Variants in AFG3L2 observed in about 807,000 individuals in gnomAD.
AFG3L2 encodes the protein mitochondrial inner membrane m-AAA protease component AFG3L2.
AFG3L2 carries 54 observed loss-of-function variants against 94.5 expected under a neutral mutation model. That is an observed-to-expected ratio of 0.57 (90% CI 0.46 to 0.72). The LOEUF is 0.72. Ranked by LOEUF, AFG3L2 falls within the 30% of genes least tolerant of loss-of-function variation. The pLI, the probability that AFG3L2 is intolerant of heterozygous loss-of-function variation, is 0.00. For synonymous variants in AFG3L2, 377 were observed against 365.5 expected (o/e 1.03, Z -0.36); for missense variants, 754 against 994.9 (o/e 0.76, Z 3.26).
intron 6 of AFG3L2, among the ~76,000 whole-genome samples, chr18:12,361,602 G>A (rs761957205): frequency 1.9e-4 from 29 of 152,162 alleles, no homozygotes; most frequent in South Asian, 2.1e-4. Context: ...AGCCAAGATC[G>A]CGCCACTGCA....
chr18:12,358,667 T>C lies in AFG3L2; in HGVS notation c.1026+3A>G, dbSNP rs1170845745. On this transcript the variant is annotated splice_donor_region_variant and intron_variant, in intron 8 of 16. Transcript: ENST00000269143. ...AAAAAGTTAATCTTAAATTTCATTTTACCTTTGGGATTTTTGCTCCTAGGT... is the reference window on the plus strand; with the variant it reads ...AAAAAGTTAATCTTAAATTTCATTTCACCTTTGGGATTTTTGCTCCTAGGT... 6.2e-7 allele frequency: 1 copy of C among 1,613,958 alleles called. No homozygotes were observed. The highest frequency in any genetic ancestry group is 8.5e-7 in the Non-Finnish European group (1 of 1,179,858).
chr18:12,330,775 G>A (rs868239597), intron 16 of AFG3L2, among the ~76,000 whole-genome samples: 3 of 151,304 alleles, frequency 2.0e-5, no homozygotes, highest in Middle Eastern at 6.8e-3. Context: ...AGCAAGACTC[G>A]GTCTCAAAAA....
chr18:12,360,553 G>A (rs1398804426), intron 6 of AFG3L2, among the ~76,000 whole-genome samples: 2 of 152,136 alleles, frequency 1.3e-5, no homozygotes, highest in Non-Finnish European at 2.9e-5. Flanking sequence ...CACTGGGGGT[G>A]ATGTTCAAAA....
intron 10 of AFG3L2, 33 bp downstream of exon 10, chr18:12,352,972 G>T (rs1335219337): frequency 6.2e-7 from 1 of 1,609,106 alleles, no homozygotes; most frequent in South Asian, 1.1e-5. Context: ...AAACAAAAGT[G>T]CAGTTAAAGA....
At chr18:12,333,802 G>C (rs371066142) in intron 16 of AFG3L2, among the ~76,000 whole-genome samples, 1 of 152,136 alleles carries the variant, frequency 6.6e-6, no homozygotes, top group African/African-American at 2.4e-5. Context: ...CCAAGTGCTC[G>C]GCAGCCCTCC....
rs922603026 is a variant in AFG3L2, at chr18:12,377,190, G to A, written c.-108C>T. 1 of 862,334 alleles carries A rather than the reference G, an allele frequency of 1.2e-6. No individual in the cohort carries two copies. The highest frequency in any genetic ancestry group is 1.7e-6 in the Non-Finnish European group (1 of 585,368). 53.4% of individuals were successfully genotyped at this position (862,334 alleles called of 1,614,324 possible). A position where few individuals can be genotyped will look rare whatever the true frequency, so the allele number is the denominator to read the frequency against. Reference sequence around the variant, plus strand: ...GCTCGGGGAAAGGCCGCCAGGCAGCGAAGCGCGCCGGCGGCTCACGGAGGA... The same window carrying A: ...GCTCGGGGAAAGGCCGCCAGGCAGCAAAGCGCGCCGGCGGCTCACGGAGGA... On this transcript the variant is annotated 5_prime_UTR_variant, in exon 1 of 17. Coordinates refer to ENST00000269143, the MANE Select transcript of AFG3L2 (RefSeq NM_006796.3).
Position 12,337,529 on chromosome 18 carries a change from G to C in AFG3L2, c.1987C>G (p.Gln663Glu), listed in dbSNP as rs771230386. ...CCAACCTTTTCATTCATGCCAAACT[G>C]AACAATCTGAAAAATACATAATTAG... is the stretch of plus-strand genomic sequence containing the variant. ...VTQSAYAQIV[Q>E]FGMNEKVGQI... Residue 663 changes from glutamine to glutamate, a missense_variant, in exon 16 of 17, where the codon CAG (glutamine) becomes GAG (glutamate). Gln to Glu is a conservative substitution (Grantham distance 29, BLOSUM62 2). This residue lies in a region of AFG3L2 where 279 missense variants were observed against 378.6 expected (regional missense o/e 0.74). Coordinates refer to ENST00000269143, the MANE Select transcript of AFG3L2 (RefSeq NM_006796.3). 6.2e-7 allele frequency: 1 copy of C among 1,614,028 alleles called. No individual in the cohort carries two copies. Among genetic ancestry groups the C allele is most frequent in the South Asian group, 1.1e-5 (1 of 91,058 alleles).
At position 12,376,950 on chromosome 18, in the gene AFG3L2, G is replaced by A; in HGVS notation, c.114+19C>T. Reference sequence around the variant, plus strand: ...CCCGAGGCAGGGTGGAGGGCGCCGGGCGCCCAGGTAGGACTCACCGTCCGG... The same window carrying A: ...CCCGAGGCAGGGTGGAGGGCGCCGGACGCCCAGGTAGGACTCACCGTCCGG... On this transcript the variant is annotated intron_variant, in intron 1 of 16. Coordinates refer to ENST00000269143, the MANE Select transcript of AFG3L2 (RefSeq NM_006796.3). The A allele has an allele frequency of 7.0e-7, 1 of 1,421,200 alleles. No homozygotes were observed. Among genetic ancestry groups the A allele is most frequent in the Non-Finnish European group, 9.2e-7 (1 of 1,088,328 alleles). The allele number at this position is 1,421,200 out of a possible 1,614,324, so 88.0% of individuals were successfully genotyped here. A position where few individuals can be genotyped will look rare whatever the true frequency, so the allele number is the denominator to read the frequency against.
At chr18:12,344,452 A>G in intron 13 of AFG3L2, 1 of 546,008 alleles carries the variant, frequency 1.8e-6, no homozygotes, top group Non-Finnish European at 3.4e-6. Context: ...AGGTGGTCCA[A>G]TCACTTGAGG....
intron 6 of AFG3L2, among the ~76,000 whole-genome samples, chr18:12,361,109 G>A (rs1220918500): frequency 2.6e-5 from 4 of 152,172 alleles, no homozygotes; most frequent in South Asian, 2.1e-4. Context: ...GGGCACAGTG[G>A]CCAGTAATCC....
At chr18:12,365,382 A>G (rs954709223) in intron 5 of AFG3L2, among the ~76,000 whole-genome samples, 2 of 152,196 alleles carry the variant, frequency 1.3e-5, no homozygotes, top group African/African-American at 4.8e-5. Context: ...TCTGAGTGGG[A>G]GTCCCCACTA....
intron 5 of AFG3L2, 40 bp downstream of exon 5, chr18:12,366,925 C>T (rs1243256589): frequency 1.2e-6 from 2 of 1,611,700 alleles, no homozygotes; most frequent in Non-Finnish European, 1.7e-6. Flanking sequence ...TGAATTTCAC[C>T]TTTGAACCAC....
chr18:12,330,334 C>CAAA (rs139661305), intron 16 of AFG3L2, among the ~76,000 whole-genome samples: 3 of 147,588 alleles, frequency 2.0e-5, no homozygotes, highest in African/African-American at 7.4e-5. Flanking sequence ...TCAAAACAAA[C>CAAA]AAACAAAAAA....
intron 13 of AFG3L2, 150 bp from the exon 14 acceptor site, chr18:12,344,397 A>T (rs765874541): frequency 5.1e-5 from 35 of 689,616 alleles, no homozygotes; most frequent in South Asian, 1.8e-4. Context: ...AATCAAGGCC[A>T]GGCGCAGTGG....
chr18:12,332,006 G>A (rs1031288272), intron 16 of AFG3L2, among the ~76,000 whole-genome samples: 1 of 151,844 alleles, frequency 6.6e-6, no homozygotes, highest in African/African-American at 2.4e-5. Flanking sequence ...CCCTACCGGA[G>A]TACACACATG....
At chr18:12,331,357 T>TA (rs1051588312) in intron 16 of AFG3L2, among the ~76,000 whole-genome samples, 2 of 152,220 alleles carry the variant, frequency 1.3e-5, no homozygotes, top group African/African-American at 4.8e-5. Context: ...TCTTTGCTTC[T>TA]AGGCTCAGCC....
Position 12,329,620 on chromosome 18 carries a change from T to C in AFG3L2, c.2339A>G (p.Asn780Ser). 3 of 1,614,200 alleles carry C rather than the reference T, an allele frequency of 1.9e-6. No homozygotes were observed. Among genetic ancestry groups the C allele is most frequent in the Non-Finnish European group, 2.5e-6 (3 of 1,180,036 alleles). The change falls in exon 17 of 17, where the codon AAC becomes AGC. Residue 780 changes from asparagine (N) to serine (S), a missense_variant. By Grantham distance (46) the Asn-to-Ser change is conservative (BLOSUM62 1). This residue lies in a region of AFG3L2 where 279 missense variants were observed against 378.6 expected (regional missense o/e 0.74). Coordinates refer to ENST00000269143, the MANE Select transcript of AFG3L2 (RefSeq NM_006796.3). ...CTCTTTCTCCTTTTCCCGCTCCTTG[T>C]TCCAGTCCTTAAGGCCTTCTGGAAG... is the stretch of plus-strand genomic sequence containing the variant. ...TSLPEGLKDW[N>S]KEREKEKEEP...
chr18:12,375,377 G>A (rs1390269406), intron 1 of AFG3L2, among the ~76,000 whole-genome samples: 1 of 150,060 alleles, frequency 6.7e-6, no homozygotes, highest in East Asian at 1.9e-4. Flanking sequence ...CCGAGTTGCT[G>A]GGACTATAGT....
intron 10 of AFG3L2, among the ~76,000 whole-genome samples, chr18:12,352,369 C>T (rs1282355148): frequency 6.6e-6 from 1 of 152,196 alleles, no homozygotes; most frequent in Non-Finnish European, 1.5e-5. Context: ...CACTGTGCTT[C>T]CCCTTTCTGC....
Sources: gnomAD v4.1 joint callset for allele counts (sites outside exome capture counted in the v4.1 genomes callset) on GRCh38, gnomAD v4.1.1 for gene constraint, gnomAD v4.1.1 regional missense constraint, MANE v1.5 for transcripts, NCBI Gene and HGNC (gene_info 2026-07-23, HGNC 2026-07-21) for gene names.